MR1: variants seen among roughly 807,000 people sequenced by gnomAD.
The protein encoded by MR1 is major histocompatibility complex class I-related protein 1.
MR1 carries 44 observed loss-of-function variants against 37.8 expected under a neutral mutation model. That is an observed-to-expected ratio of 1.16 (90% CI 0.91 to 1.50). The LOEUF (loss-of-function observed/expected upper bound fraction) is 1.50, where lower values mean the gene tolerates loss of function less well. Among genes scored for constraint, MR1 ranks in the 40% most tolerant of loss-of-function variants. The probability of loss-of-function intolerance (pLI) is 0.00; values close to 1 mark genes in which losing one functional copy is unlikely to be tolerated. For synonymous variants in MR1, 153 were observed against 155.8 expected (o/e 0.98, Z 0.13); for missense variants, 386 against 419.1 (o/e 0.92, Z 0.69).
Position 181,053,588 on chromosome 1 carries a change from C to T in MR1, c.896C>T (p.Pro299Leu). The T allele has an allele frequency of 1.2e-6, 2 of 1,613,594 alleles. No individual in the cohort carries two copies. The highest frequency in any genetic ancestry group is 1.7e-6 in the Non-Finnish European group (2 of 1,179,580). ...LQVPQESETIPLVMKAVSGSI... is the reference protein window; with the variant it reads ...LQVPQESETILLVMKAVSGSI... ...TTGCTTTCAGAATCAGAAACTATCC[C>T]TCTTGTGATGAAAGCTGTCTCTGGG... The change falls in exon 5 of 6, where the codon CCT becomes CTT. Residue 299 changes from proline to leucine, a missense_variant. Physicochemically the swap from Pro to Leu is moderately conservative, Grantham distance 98. Transcript: ENST00000367580.
At chr1:181,036,089 G>T (rs1278165998) in intron 1 of MR1, among the ~76,000 whole-genome samples, 1 of 152,040 alleles carries the variant, frequency 6.6e-6, no homozygotes, top group Non-Finnish European at 1.5e-5. Flanking sequence ...AAGAGAGGCT[G>T]GGATACATCT....
rs2102410807 is a variant in MR1 at position 181,057,424 on chromosome 1, T to C, written c.*2159T>C. ...AGTTAGGATGTAATATATTTTTGGG[T>C]GGGCATTTAAAGTGAAAAGGTACAT... On this transcript the variant is annotated 3_prime_UTR_variant, in exon 6 of 6. Coordinates refer to ENST00000367580, the MANE Select transcript of MR1 (RefSeq NM_001385161.1). 6.6e-6 allele frequency: 1 copy of C among 152,318 alleles called. No individual in the cohort carries two copies. The highest frequency in any genetic ancestry group is 2.1e-4 in the South Asian group (1 of 4,832). The allele number at this position is 152,318 out of a possible 1,614,324, so 9.4% of individuals were successfully genotyped here. A position where few individuals can be genotyped will look rare whatever the true frequency, so the allele number is the denominator to read the frequency against.
At chr1:181,034,764 T>C (rs1033714872) in intron 1 of MR1, among the ~76,000 whole-genome samples, 21 of 152,270 alleles carry the variant, frequency 1.4e-4, no homozygotes, top group African/African-American at 4.8e-4. Context: ...GCCACCACCA[T>C]AGGTGTGACT....
At position 181,057,687 on chromosome 1, in the gene MR1, T is replaced by C. The variant is rs1452857133; in HGVS notation, c.*2422T>C. On this transcript the variant is annotated 3_prime_UTR_variant, in exon 6 of 6. Coordinates refer to ENST00000367580, the MANE Select transcript of MR1 (RefSeq NM_001385161.1). Reference sequence around the variant, plus strand: ...TTCTTCCTGGGGGATTTTATAATACTAAAAGAATCATAATATAAAGAGATG... The same window carrying C: ...TTCTTCCTGGGGGATTTTATAATACCAAAAGAATCATAATATAAAGAGATG... 1 of 152,032 alleles carries C rather than the reference T, an allele frequency of 6.6e-6. No individual in the cohort carries two copies. The highest frequency in any genetic ancestry group is 1.5e-5 in the Non-Finnish European group (1 of 68,018). The allele number at this position is 152,032 out of a possible 1,614,324, so 9.4% of individuals were successfully genotyped here. A position where few individuals can be genotyped will look rare whatever the true frequency, so the allele number is the denominator to read the frequency against.
chr1:181,060,026 G>A lies in MR1; in HGVS notation c.*4761G>A, dbSNP rs950325931. ...AAAAACTGGGTGGCTTGGAACAACA[G>A]AAATTTATTGTTTCACAGTTCTGGA... On this transcript the variant is annotated 3_prime_UTR_variant, in exon 6 of 6. Transcript: ENST00000367580. 6.6e-5 allele frequency: 10 copies of A among 152,180 alleles called. No homozygotes were observed. The highest frequency in any genetic ancestry group is 2.4e-4 in the African/African-American group (10 of 41,434). The allele number at this position is 152,180 out of a possible 1,614,324, so 9.4% of individuals were successfully genotyped here. A position where few individuals can be genotyped will look rare whatever the true frequency, so the allele number is the denominator to read the frequency against.
intron 1 of MR1, among the ~76,000 whole-genome samples, chr1:181,040,030 T>C (rs539188233): frequency 1.1e-4 from 17 of 152,296 alleles, no homozygotes; most frequent in African/African-American, 3.8e-4. Context: ...AACTATCAAG[T>C]AGCCATTGCA....
At position 181,059,597 on chromosome 1, in the gene MR1, T is replaced by C. The variant is rs10797667; in HGVS notation, c.*4332T>C. 95,323 of 152,524 alleles carry C rather than the reference T, an allele frequency of 0.62. 30,314 individuals carry two copies. The highest frequency in any genetic ancestry group is 0.89 in the East Asian group (4,608 of 5,188). 9.4% of individuals were successfully genotyped at this position (152,524 alleles called of 1,614,324 possible). A position where few individuals can be genotyped will look rare whatever the true frequency, so the allele number is the denominator to read the frequency against. On this transcript the variant is annotated 3_prime_UTR_variant, in exon 6 of 6. Transcript: ENST00000367580. Reference sequence around the variant, plus strand: ...TCCATGTAGTCTCAGGAACTCTCCATGTAATCTCTCTGTGTGGGTTGGGCT... The same window carrying C: ...TCCATGTAGTCTCAGGAACTCTCCACGTAATCTCTCTGTGTGGGTTGGGCT...
Position 181,050,194 on chromosome 1 carries a change from A to T in MR1, c.512A>T (p.Glu171Val). 6.2e-7 allele frequency: 1 copy of T among 1,614,258 alleles called. No individual in the cohort carries two copies. The highest frequency in any genetic ancestry group is 8.5e-7 in the Non-Finnish European group (1 of 1,180,040). The change falls in exon 3 of 6, where the codon GAG becomes GTG. Residue 171 changes from glutamate to valine, a missense_variant. Transcript: ENST00000367580. Reference sequence around the variant, plus strand: ...CAGGCATGGGAGGCCAATCAGCATGAGTTGCTGTATCAAAAGAATTGGCTG... The same window carrying T: ...CAGGCATGGGAGGCCAATCAGCATGTGTTGCTGTATCAAAAGAATTGGCTG... ...IKQAWEANQH[E>V]LLYQKNWLEE...
At chr1:181,054,163 A>G (rs1299153134) in intron 5 of MR1, among the ~76,000 whole-genome samples, 3 of 152,220 alleles carry the variant, frequency 2.0e-5, no homozygotes, top group South Asian at 4.1e-4. Context: ...CCTTCAGGGA[A>G]TGGGACTTAG....
At chr1:181,040,958 T>C (rs959683429) in intron 1 of MR1, among the ~76,000 whole-genome samples, 10 of 151,908 alleles carry the variant, frequency 6.6e-5, no homozygotes, top group Non-Finnish European at 1.2e-4. Context: ...GGCAGGCGCC[T>C]GTAATCTCAG....
intron 1 of MR1, among the ~76,000 whole-genome samples, chr1:181,038,971 T>C (rs1172905690): frequency 1.3e-5 from 2 of 152,130 alleles, no homozygotes; most frequent in Non-Finnish European, 2.9e-5. Context: ...ACCCAGCTAA[T>C]TTTTTGCATT....
At chr1:181,047,300 TA>T (rs111452459) in intron 1 of MR1, among the ~76,000 whole-genome samples, 1,934 of 145,204 alleles carry the variant, frequency 0.013, 26 homozygotes, top group African/African-American at 0.038. Flanking sequence ...CACTGTGCTT[TA>T]AAAAAAAAAA....
Position 181,061,600 on chromosome 1 carries a change from T to C in MR1, c.*6335T>C, listed in dbSNP as rs1571412624. On this transcript the variant is annotated 3_prime_UTR_variant, in exon 6 of 6. Transcript: ENST00000367580. ...CAAACGGTTAAAATTCCCTGGAAGA[T>C]GTTACATAATCCTATCATGGTGTTT... 1 of 152,280 alleles carries C rather than the reference T, an allele frequency of 6.6e-6. No homozygotes were observed. Among genetic ancestry groups the C allele is most frequent in the African/African-American group, 2.4e-5 (1 of 41,474 alleles). 9.4% of individuals were successfully genotyped at this position (152,280 alleles called of 1,614,324 possible). A position where few individuals can be genotyped will look rare whatever the true frequency, so the allele number is the denominator to read the frequency against.
At position 181,049,275 on chromosome 1, in the gene MR1, G is replaced by A. The variant is rs1658143871; in HGVS notation, c.291G>A (p.Val97=). 2.5e-6 allele frequency: 4 copies of A among 1,614,122 alleles called. No individual in the cohort carries two copies. Among genetic ancestry groups the A allele is most frequent in the Middle Eastern group, 1.6e-4 (1 of 6,062 alleles). The change falls in exon 2 of 6, where the codon GTG becomes GTA. Residue 97 remains valine (V), a synonymous_variant. Transcript: ENST00000367580. ...GGGGCTGGCAGCAGATGTTCAAGGT[G>A]GAACTGAAGCGCCTACAGAGGCACT... The part of the protein sequence containing the change: ...LLRGWQQMFK[V]ELKRLQRHYN...
At chr1:181,047,981 G>A (rs1459831862) in intron 1 of MR1, among the ~76,000 whole-genome samples, 1 of 151,724 alleles carries the variant, frequency 6.6e-6, no homozygotes, top group Non-Finnish European at 1.5e-5. Flanking sequence ...ACTTTGGGAG[G>A]CCGAGGTGGG....
chr1:181,050,329 A>G (rs1658238557), intron 3 of MR1, 43 bp downstream of exon 3: 1 of 1,611,042 alleles, frequency 6.2e-7, no homozygotes, highest in Non-Finnish European at 8.5e-7. Context: ...TGCCTGAACA[A>G]CTGTTTTTAT....
intron 2 of MR1, 157 bp downstream of exon 2, chr1:181,049,469 C>A: frequency 1.2e-6 from 1 of 848,442 alleles, no homozygotes; most frequent in Non-Finnish European, 1.8e-6. Flanking sequence ...TCCCATCTGC[C>A]TGTGCATCTT....
chr1:181,061,275 A>G lies in MR1; in HGVS notation c.*6010A>G, dbSNP rs1435669207. The G allele has an allele frequency of 6.6e-6, 1 of 152,244 alleles. No homozygotes were observed. The highest frequency in any genetic ancestry group is 6.5e-5 in the Admixed American group (1 of 15,290). 9.4% of individuals were successfully genotyped at this position (152,244 alleles called of 1,614,324 possible). On this transcript the variant is annotated 3_prime_UTR_variant, in exon 6 of 6. Transcript: ENST00000367580. The stretch of plus-strand genomic sequence containing the variant: ...GCCTCAGCTAACCCACAAATAGCAC[A>G]TGTGTGCAAACTGGAAAAATGAACC...
intron 4 of MR1, among the ~76,000 whole-genome samples, 195 bp downstream of exon 4, chr1:181,052,705 C>A (rs1312730316): frequency 6.6e-6 from 1 of 152,146 alleles, no homozygotes; most frequent in East Asian, 1.9e-4. Flanking sequence ...TTATTGAGGA[C>A]CCCAGAGAGC....
Sources: gnomAD v4.1 joint callset for allele counts (sites outside exome capture counted in the v4.1 genomes callset) on GRCh38, gnomAD v4.1.1 for gene constraint, MANE v1.5 for transcripts, NCBI Gene and HGNC (gene_info 2026-07-23, HGNC 2026-07-21) for gene names.